Variants in PSMC1 observed in about 807,000 individuals in gnomAD.
PSMC1 encodes 26S proteasome regulatory subunit 4.
Under a neutral mutation model 49.8 loss-of-function variants are expected in PSMC1, and 5 were observed. The observed-to-expected ratio is 0.10, with a 90% CI of 0.05 to 0.21. PSMC1 has a LOEUF of 0.21. Among genes scored for constraint, PSMC1 ranks in the 10% least tolerant of loss-of-function variants. The pLI is 1.00. For missense variants in PSMC1, 181 were observed against 535.7 expected (o/e 0.34, Z 6.54); for synonymous variants, 155 against 192.1 (o/e 0.81, Z 1.60).
chr14:90,270,658 A>G, intron 10 of PSMC1: 1 of 241,024 alleles, frequency 4.1e-6, no homozygotes. Context: ...GTCCCAGGTC[A>G]GGGGAAGGGT....
In PSMC1 at chr14:90,274,838, A is replaced by ACACCCCC. The variant is rs1491397403; in HGVS notation, c.*2432_*2433insACCCCCC. The stretch of plus-strand genomic sequence containing the variant: ...CACACACACACACACACACACACAC[A>ACACCCCC]CCCCAATACATATGAATTGATCTGA... On this transcript the variant is annotated 3_prime_UTR_variant, in exon 11 of 11. Transcript: ENST00000261303. The ACACCCCC allele has an allele frequency of 1.5e-4, 10 of 67,214 alleles. No homozygotes were observed. The East Asian group carries it at 2.0e-3, about 14-fold the overall frequency. The allele number at this position is 67,214 out of a possible 1,614,324, so 4.2% of individuals were successfully genotyped here. A position where few individuals can be genotyped will look rare whatever the true frequency, so the allele number is the denominator to read the frequency against.
chr14:90,267,189 G>T (rs551713691), intron 7 of PSMC1, among the ~76,000 whole-genome samples: 26 of 151,380 alleles, frequency 1.7e-4, no homozygotes, highest in Non-Finnish European at 3.5e-4. Context: ...GAGTGCAATG[G>T]CGCGATCTTG....
intron 7 of PSMC1, among the ~76,000 whole-genome samples, chr14:90,267,138 T>C (rs1435725384): frequency 6.6e-6 from 1 of 151,820 alleles, no homozygotes; most frequent in Non-Finnish European, 1.5e-5. Flanking sequence ...CTTTTCTTTT[T>C]TTTTTTTTTG....
In PSMC1 at chr14:90,270,364, G is replaced by C; in HGVS notation, c.1188+12G>C. ...GTGCTGACATCAAGGTGAGAGCCTA[G>C]CCGTGTCAGCTTATTTCTGGGAATG... On this transcript the variant is annotated intron_variant, in intron 10 of 10. Coordinates refer to ENST00000261303, the MANE Select transcript of PSMC1 (RefSeq NM_002802.3). 6.2e-7 allele frequency: 1 copy of C among 1,608,562 alleles called. No individual in the cohort carries two copies.
In PSMC1 at chr14:90,274,309, G is replaced by C. The variant is rs541509338; in HGVS notation, c.*1902G>C. On this transcript the variant is annotated 3_prime_UTR_variant, in exon 11 of 11. Coordinates refer to ENST00000261303, the MANE Select transcript of PSMC1 (RefSeq NM_002802.3). ...GTGTGGGCAGCCTGATGTGCAGTAT[G>C]AGAGCCCAAGTGGGTGAGGAAGGCA... 4 of 155,836 alleles carry C rather than the reference G, an allele frequency of 2.6e-5. No individual in the cohort carries two copies. The highest frequency in any genetic ancestry group is 5.8e-5 in the Non-Finnish European group (4 of 68,596). 9.7% of individuals were successfully genotyped at this position (155,836 alleles called of 1,614,324 possible).
At chr14:90,268,505 A>G (rs1002277199) in intron 8 of PSMC1, 92 bp downstream of exon 8, 2 of 1,277,186 alleles carry the variant, frequency 1.6e-6, no homozygotes, top group African/African-American at 3.0e-5. Context: ...GGCTCTCCCT[A>G]TGGCCACAGT....
rs764187951 is a variant in PSMC1 at position 90,264,023 on chromosome 14, C to G, written c.466-18C>G. On this transcript the variant is annotated intron_variant, in intron 5 of 10. Transcript: ENST00000261303. ...CAAACCTCACGTTCCTGTGTTAAAC[C>G]TTGATGTTTCCTGTTAGGTGCATGC... 5.6e-6 allele frequency: 9 copies of G among 1,602,386 alleles called. No individual in the cohort carries two copies. In the African/African-American group the frequency reaches 8.1e-5, roughly 14 times the overall value.
At chr14:90,263,591 T>G in intron 4 of PSMC1, 71 bp from the exon 5 acceptor site, 1 of 1,543,100 alleles carries the variant, frequency 6.5e-7, no homozygotes, top group Non-Finnish European at 8.9e-7. Flanking sequence ...GCTTTGTAAA[T>G]CTAGCGAACT....
chr14:90,258,063 GT>G (rs1014704476), intron 1 of PSMC1, among the ~76,000 whole-genome samples: 1 of 151,746 alleles, frequency 6.6e-6, no homozygotes, highest in African/African-American at 2.4e-5. Flanking sequence ...AAGCCCCATC[GT>G]TTTTTTTCTA....
chr14:90,269,704 G>A (rs1891612593), intron 9 of PSMC1, 156 bp downstream of exon 9: 2 of 731,200 alleles, frequency 2.7e-6, no homozygotes, highest in African/African-American at 1.8e-5. Flanking sequence ...TGAGATGAGG[G>A]TTAAAACAGA....
rs10140761 is a variant in PSMC1 at position 90,274,244 on chromosome 14, G to T, written c.*1837G>T. 1 of 155,408 alleles carries T rather than the reference G, an allele frequency of 6.4e-6. No individual in the cohort carries two copies. The highest frequency in any genetic ancestry group is 6.5e-5 in the Admixed American group (1 of 15,274). The allele number at this position is 155,408 out of a possible 1,614,324, so 9.6% of individuals were successfully genotyped here. On this transcript the variant is annotated 3_prime_UTR_variant, in exon 11 of 11. Transcript: ENST00000261303. ...AGGGTGAGGCTGGCATCCGTGTGGG[G>T]TGTATGTGCAGGGCTGGGGTGGTCC... is the stretch of plus-strand genomic sequence containing the variant.
At chr14:90,266,720 A>G (rs1891525895) in intron 7 of PSMC1, among the ~76,000 whole-genome samples, 1 of 152,202 alleles carries the variant, frequency 6.6e-6, no homozygotes, top group African/African-American at 2.4e-5. Flanking sequence ...CTGACCGCAG[A>G]AGCAGCCCAC....
chr14:90,258,078 C>G (rs1173676968), intron 1 of PSMC1, among the ~76,000 whole-genome samples: 2 of 152,066 alleles, frequency 1.3e-5, no homozygotes, highest in Non-Finnish European at 2.9e-5. Context: ...TTTTCTAGAA[C>G]AGTAGAGAAA....
At chr14:90,259,672 A>G (rs937603199) in intron 2 of PSMC1, among the ~76,000 whole-genome samples, 5 of 152,128 alleles carry the variant, frequency 3.3e-5, no homozygotes, top group African/African-American at 9.7e-5. Context: ...CCCAGGCTGG[A>G]GTGCAGTGGC....
intron 1 of PSMC1, among the ~76,000 whole-genome samples, chr14:90,257,619 A>C (rs1303742236): frequency 6.6e-6 from 1 of 151,898 alleles, no homozygotes; most frequent in Non-Finnish European, 1.5e-5. Context: ...TTTAATTTTT[A>C]TTTTTTTGAG....
At chr14:90,265,938 G>A (rs1891501922) in intron 7 of PSMC1, among the ~76,000 whole-genome samples, 1 of 152,076 alleles carries the variant, frequency 6.6e-6, no homozygotes, top group African/African-American at 2.4e-5. Flanking sequence ...CCAAGCCTAG[G>A]AGCCATAGTG....
At chr14:90,262,933 T>C (rs1003784070) in intron 3 of PSMC1, among the ~76,000 whole-genome samples, 1 of 152,196 alleles carries the variant, frequency 6.6e-6, no homozygotes, top group African/African-American at 2.4e-5. Context: ...TAGATGAGTA[T>C]GTATATAGCC....
chr14:90,258,459 T>C (rs7151776), intron 1 of PSMC1, among the ~76,000 whole-genome samples: 83,862 of 152,046 alleles, frequency 0.55, 23,798 homozygotes, highest in Middle Eastern at 0.72. Context: ...CACTCATCTT[T>C]ATATTTGAAA....
Position 90,274,657 on chromosome 14 carries a change from ATAAGGACATGTCC to A in PSMC1, c.*2259_*2271del, listed in dbSNP as rs960301572. The A allele has an allele frequency of 6.6e-6, 1 of 152,208 alleles. No homozygotes were observed. The highest frequency in any genetic ancestry group is 1.5e-5 in the Non-Finnish European group (1 of 68,068). 9.4% of individuals were successfully genotyped at this position (152,208 alleles called of 1,614,324 possible). On this transcript the variant is annotated 3_prime_UTR_variant, in exon 11 of 11. Coordinates refer to ENST00000261303, the MANE Select transcript of PSMC1 (RefSeq NM_002802.3). ...AAAGCAAGGGAGTGCTCAAGGAATG[ATAAGGACATGTCC>A]TAAGGACACCGAAGCCTATGTGAAG...
Sources: allele counts gnomAD v4.1 joint callset (sites outside exome capture counted in the v4.1 genomes callset), GRCh38; gene constraint gnomAD v4.1.1; transcripts MANE v1.5; gene names NCBI Gene and HGNC (gene_info 2026-07-23, HGNC 2026-07-21).